Variants in ANKDD1B observed in about 807,000 individuals in gnomAD.
ANKDD1B encodes ankyrin repeat and death domain-containing protein 1B.
In ANKDD1B, 57 loss-of-function variants were observed where a neutral mutation model predicts 59.7. The observed-to-expected ratio is 0.95, with a 90% CI of 0.77 to 1.19. The LOEUF is 1.19. ANKDD1B is among the 50% of genes most tolerant of loss of function. The pLI, the probability that ANKDD1B is intolerant of heterozygous loss-of-function variation, is 0.00. For synonymous variants in ANKDD1B, 216 were observed against 239.5 expected, an observed-to-expected ratio of 0.90 and a Z score of 0.91; for missense variants, 602 against 641.9, an observed-to-expected ratio of 0.94 and a Z score of 0.67.
chr5:75,632,311 C>T (rs1200623814), intron 5 of ANKDD1B, among the ~76,000 whole-genome samples: 1 of 152,104 alleles, frequency 6.6e-6, no homozygotes, highest in Non-Finnish European at 1.5e-5. Context: ...TGTCTGAATG[C>T]AGGAGATCAA....
Position 75,652,044 on chromosome 5 carries a change from C to T in ANKDD1B, c.799-1098C>T, listed in dbSNP as rs1041544285. 1.1e-4 allele frequency among the ~76,000 whole-genome samples: 17 copies of T among 152,202 alleles called. No individual in the cohort carries two copies. The East Asian group carries it at 3.3e-3, about 29-fold the overall frequency. On this transcript the variant is annotated intron_variant, in intron 7 of 13. Coordinates refer to ENST00000601380, the MANE Select transcript of ANKDD1B (RefSeq NM_001276713.2). Reference sequence around the variant, plus strand: ...ATTCAAAGGAGTGAAGAAAATAACCCTGCCTCTTGATGAGGGGAGTGGCAA... The same window carrying T: ...ATTCAAAGGAGTGAAGAAAATAACCTTGCCTCTTGATGAGGGGAGTGGCAA...
rs143388286 is a variant in ANKDD1B at position 75,611,940 on chromosome 5, G to T, written c.193+113G>T. On this transcript the variant is annotated intron_variant, in intron 1 of 13. Coordinates refer to ENST00000601380, the MANE Select transcript of ANKDD1B (RefSeq NM_001276713.2). ...CGGACGCTGCAGGAGGGAAACTGGC[G>T]AGGCGACTCAGCCCTGGGACCCCGA... is the stretch of plus-strand genomic sequence containing the variant. 432 of 909,954 alleles carry T rather than the reference G, an allele frequency of 4.7e-4. 4 individuals are homozygous for T. In the East Asian group the frequency reaches 0.014, roughly 30 times the overall value. 56.4% of individuals were successfully genotyped at this position (909,954 alleles called of 1,614,324 possible).
At chr5:75,663,859 G>A (rs908234257) in intron 11 of ANKDD1B, among the ~76,000 whole-genome samples, 1 of 152,204 alleles carries the variant, frequency 6.6e-6, no homozygotes. Context: ...AAACTCCTTT[G>A]TGTGGCTCGG....
intron 9 of ANKDD1B, among the ~76,000 whole-genome samples, chr5:75,656,990 A>G (rs1774996111): frequency 1.3e-5 from 2 of 152,212 alleles, no homozygotes; most frequent in Non-Finnish European, 1.5e-5. Flanking sequence ...ATTTACCTGT[A>G]CTTCGGTCCC....
chr5:75,614,794 C>T (rs531115565), intron 1 of ANKDD1B, among the ~76,000 whole-genome samples: 1 of 152,294 alleles, frequency 6.6e-6, no homozygotes, highest in South Asian at 2.1e-4. Flanking sequence ...ATGTCTACTA[C>T]AGTATGGCTG....
At chr5:75,614,385 C>G (rs1773659261) in intron 1 of ANKDD1B, among the ~76,000 whole-genome samples, 1 of 152,176 alleles carries the variant, frequency 6.6e-6, no homozygotes, top group Non-Finnish European at 1.5e-5. Flanking sequence ...AGCAAACCTG[C>G]CCTTTGCTCC....
intron 2 of ANKDD1B, among the ~76,000 whole-genome samples, chr5:75,618,934 C>G (rs1395339027): frequency 6.6e-6 from 1 of 152,138 alleles, no homozygotes; most frequent in Admixed American, 6.5e-5. Flanking sequence ...TTAGTAGTTA[C>G]AGGGTTTCAC....
intron 3 of ANKDD1B, among the ~76,000 whole-genome samples, chr5:75,621,405 A>AT (rs1163010859): frequency 2.0e-5 from 3 of 151,890 alleles, no homozygotes; most frequent in South Asian, 4.1e-4. Flanking sequence ...TTGAGTTCTG[A>AT]TTTTTTCCCC....
At chr5:75,636,812 G>A (rs1289262617) in intron 7 of ANKDD1B, among the ~76,000 whole-genome samples, 2 of 152,082 alleles carry the variant, frequency 1.3e-5, no homozygotes, top group African/African-American at 4.8e-5. Context: ...AGGACTTTCT[G>A]CCCCCAGCTG....
intron 1 of ANKDD1B, among the ~76,000 whole-genome samples, chr5:75,612,846 G>T (rs1773607587): frequency 6.6e-6 from 1 of 152,188 alleles, no homozygotes; most frequent in Non-Finnish European, 1.5e-5. Context: ...GAAGATCTCA[G>T]TTTCCTCATC....
Position 75,666,964 on chromosome 5 carries a change from A to G in ANKDD1B, c.1364A>G (p.Gln455Arg), listed in dbSNP as rs1729204301. The G allele has an allele frequency of 4.7e-6, 7 of 1,493,236 alleles. No individual in the cohort carries two copies. In the South Asian group the frequency reaches 5.3e-5, roughly 11 times the overall value. 92.5% of individuals were successfully genotyped at this position (1,493,236 alleles called of 1,614,324 possible). ...LARSWNFTDD[Q>R]IRAIEEQWSG... ...CGTTCGTGGAACTTTACAGATGACC[A>G]GATTAGAGCCATTGAGGAGCAGTGG... The change falls in exon 12 of 14, where the codon CAG becomes CGG. Residue 455 changes from glutamine to arginine, a missense_variant. By Grantham distance (43) the Gln-to-Arg change is conservative. Transcript: ENST00000601380.
At chr5:75,624,246 A>T (rs181570541) in intron 3 of ANKDD1B, among the ~76,000 whole-genome samples, 153 of 152,334 alleles carry the variant, frequency 1.0e-3, no homozygotes, top group African/African-American at 3.4e-3. Context: ...GTTCACCAAG[A>T]TCCCCGTACT....
chr5:75,636,386 C>G (rs780779064), intron 7 of ANKDD1B, among the ~76,000 whole-genome samples: 2 of 152,030 alleles, frequency 1.3e-5, no homozygotes, highest in Non-Finnish European at 2.9e-5. Flanking sequence ...AGAACCAAGG[C>G]AAGAGTATGG....
chr5:75,653,154 A>G lies in ANKDD1B; in HGVS notation c.811A>G (p.Ser271Gly). The part of the protein sequence containing the change: ...INEMNELNIS[S>G]LQIATRNGHA... Reference sequence around the variant, plus strand: ...TTGTCTCTTGCAGCTCAATATCAGTAGTTTGCAGATAGCAACCAGGAACGG... The same window carrying G: ...TTGTCTCTTGCAGCTCAATATCAGTGGTTTGCAGATAGCAACCAGGAACGG... The change falls in exon 8 of 14, where the codon AGT (serine) becomes GGT (glycine). Residue 271 changes from serine to glycine, a missense_variant. Physicochemically the swap from Ser to Gly is moderately conservative, Grantham distance 56. This residue lies in a region of ANKDD1B where 280 missense variants were observed against 319.8 expected (regional missense o/e 0.88). Transcript: ENST00000601380. The G allele has an allele frequency of 2.0e-6, 3 of 1,535,730 alleles. No homozygotes were observed. The highest frequency in any genetic ancestry group is 4.9e-5 in the East Asian group (2 of 40,928).
At chr5:75,665,018 A>T (rs1413720629) in intron 11 of ANKDD1B, among the ~76,000 whole-genome samples, 1 of 152,224 alleles carries the variant, frequency 6.6e-6, no homozygotes, top group African/African-American at 2.4e-5. Context: ...AGGATTAAAG[A>T]TATGATTTAA....
chr5:75,623,204 T>C (rs1201707474), intron 3 of ANKDD1B, among the ~76,000 whole-genome samples: 2 of 152,094 alleles, frequency 1.3e-5, no homozygotes, highest in East Asian at 3.9e-4. Flanking sequence ...TAGCTGGGAT[T>C]ACAGGCATGC....
chr5:75,670,588 G>C (rs918902799), intron 13 of ANKDD1B, among the ~76,000 whole-genome samples: 3 of 152,200 alleles, frequency 2.0e-5, no homozygotes, highest in African/African-American at 7.2e-5. Context: ...CTCAAAGAGC[G>C]TATTTATGTA....
intron 5 of ANKDD1B, among the ~76,000 whole-genome samples, chr5:75,633,828 G>A (rs1774228292): frequency 6.6e-6 from 1 of 152,200 alleles, no homozygotes; most frequent in Non-Finnish European, 1.5e-5. Flanking sequence ...TCATGAGGGT[G>A]GATCTTTCAT....
At chr5:75,664,723 A>G (rs1054448402) in intron 11 of ANKDD1B, among the ~76,000 whole-genome samples, 1 of 152,178 alleles carries the variant, frequency 6.6e-6, no homozygotes, top group African/African-American at 2.4e-5. Flanking sequence ...TTTCCCACCA[A>G]ATGAATATGC....
Sources: gnomAD v4.1 joint callset for allele counts (sites outside exome capture counted in the v4.1 genomes callset) on GRCh38, gnomAD v4.1.1 for gene constraint, gnomAD v4.1.1 regional missense constraint, MANE v1.5 for transcripts, NCBI Gene and HGNC (gene_info 2026-07-23, HGNC 2026-07-21) for gene names.